MAPK8: variants seen among roughly 807,000 people sequenced by gnomAD.
MAPK8 encodes mitogen-activated protein kinase 8.
A neutral mutation model predicts 52.9 loss-of-function variants in MAPK8; 13 were observed. The ratio of observed to expected loss-of-function variants is 0.25; its 90% CI spans 0.16 to 0.39. The LOEUF is 0.39. Ranked by LOEUF, MAPK8 falls within the 10% of genes least tolerant of loss-of-function variation. MAPK8 has a pLI of 1.00. For synonymous variants in MAPK8, 191 were observed against 169.8 expected (o/e 1.12, Z -0.97); for missense variants, 300 against 519.2 (o/e 0.58, Z 4.10).
intron 1 of MAPK8, among the ~76,000 whole-genome samples, chr10:48,308,545 G>A (rs1841629888): frequency 6.6e-6 from 1 of 152,104 alleles, no homozygotes; most frequent in African/African-American, 2.4e-5. Flanking sequence ...AAATAAAGTA[G>A]GTTGTGGAGT....
chr10:48,353,083 T>C (rs533365937), intron 1 of MAPK8, among the ~76,000 whole-genome samples: 6 of 152,302 alleles, frequency 3.9e-5, no homozygotes, highest in African/African-American at 1.4e-4. Flanking sequence ...TAAATGTTGA[T>C]GAAAGAAATC....
chr10:48,385,488 C>T (rs754006006), intron 1 of MAPK8, among the ~76,000 whole-genome samples: 31 of 152,154 alleles, frequency 2.0e-4, no homozygotes, highest in Non-Finnish European at 3.8e-4. Flanking sequence ...AATCGTAAAT[C>T]CCTTTTGTAG....
At chr10:48,369,612 T>A (rs926046516) in intron 1 of MAPK8, among the ~76,000 whole-genome samples, 4 of 151,910 alleles carry the variant, frequency 2.6e-5, no homozygotes, top group Non-Finnish European at 5.9e-5. Flanking sequence ...TGAGGGTAGA[T>A]GAAATTGCCA....
chr10:48,373,571 C>CAAAAAAAAAAAAAA lies in MAPK8; in HGVS notation c.-49-28027_-49-28014dup, dbSNP rs539162576. ...GAAGATTTACCAAGTAAATTGAAAG[C>CAAAAAAAAAAAAAA]AAAAAAAAAAAAAAAAAAAAAAAAA... is the stretch of plus-strand genomic sequence containing the variant. On this transcript the variant is annotated intron_variant, in intron 1 of 11. Coordinates refer to ENST00000374189, the MANE Select transcript of MAPK8 (RefSeq NM_001323329.2). 1.5e-3 allele frequency among the ~76,000 whole-genome samples: 25 copies of CAAAAAAAAAAAAAA among 16,844 alleles called. 8 individuals are homozygous for CAAAAAAAAAAAAAA. The highest frequency in any genetic ancestry group is 3.9e-3 in the African/African-American group (25 of 6,372). 11.1% of individuals were successfully genotyped at this position (16,844 alleles called of 152,430 possible).
chr10:48,426,911 A>C (rs1052471078), intron 9 of MAPK8, 169 bp from the exon 10 acceptor site: 2 of 544,998 alleles, frequency 3.7e-6, no homozygotes, highest in Non-Finnish European at 6.5e-6. Context: ...TCCTGCAATG[A>C]AGGAGTCTTC....
intron 1 of MAPK8, among the ~76,000 whole-genome samples, chr10:48,340,089 A>G (rs1845103673): frequency 6.6e-6 from 1 of 152,200 alleles, no homozygotes; most frequent in African/African-American, 2.4e-5. Flanking sequence ...TATCATAAAG[A>G]CAGCTGTGCT....
At chr10:48,425,817 C>A in intron 7 of MAPK8, 71 bp from the exon 8 acceptor site, 2 of 279,510 alleles carry the variant, frequency 7.2e-6, no homozygotes, top group Non-Finnish European at 1.1e-5. Flanking sequence ...TTTCTATTTT[C>A]TTGTAATATG....
At chr10:48,354,212 G>GA (rs1007675219) in intron 1 of MAPK8, among the ~76,000 whole-genome samples, 18 of 152,074 alleles carry the variant, frequency 1.2e-4, no homozygotes, top group African/African-American at 4.1e-4. Context: ...GTTCTTAAGA[G>GA]AAAAAAAGAA....
intron 1 of MAPK8, among the ~76,000 whole-genome samples, chr10:48,352,740 A>C (rs913130545): frequency 8.5e-5 from 13 of 152,200 alleles, no homozygotes; most frequent in African/African-American, 2.9e-4. Flanking sequence ...ACTCTTATTC[A>C]ACAAAATATT....
chr10:48,431,729 C>G (rs980729473), intron 11 of MAPK8, among the ~76,000 whole-genome samples: 4 of 152,222 alleles, frequency 2.6e-5, no homozygotes, highest in Middle Eastern at 3.4e-3. Context: ...AGAAAGTATT[C>G]TTTCTCTAAG....
intron 1 of MAPK8, among the ~76,000 whole-genome samples, chr10:48,390,462 A>G (rs556536351): frequency 1.3e-5 from 2 of 152,356 alleles, no homozygotes; most frequent in East Asian, 3.8e-4. Context: ...ACTTATTGCC[A>G]GGATTGCCTG....
chr10:48,377,681 A>G (rs1407802155), intron 1 of MAPK8, among the ~76,000 whole-genome samples: 1 of 152,152 alleles, frequency 6.6e-6, no homozygotes, highest in African/African-American at 2.4e-5. Flanking sequence ...AACAGGATAA[A>G]AGGAACCTGG....
At chr10:48,424,486 T>A (rs2043553892) in intron 7 of MAPK8, 2 of 1,440,966 alleles carry the variant, frequency 1.4e-6, no homozygotes, top group Admixed American at 4.3e-5. Flanking sequence ...AAAATCTTTA[T>A]GTTAATGTCA....
chr10:48,312,672 A>G (rs1842085549), intron 1 of MAPK8, among the ~76,000 whole-genome samples: 1 of 152,244 alleles, frequency 6.6e-6, no homozygotes, highest in Admixed American at 6.5e-5. Flanking sequence ...ACCAAAGGTA[A>G]GATAAAGAAA....
intron 1 of MAPK8, among the ~76,000 whole-genome samples, chr10:48,354,191 A>G (rs1459057637): frequency 6.6e-6 from 1 of 152,230 alleles, no homozygotes; most frequent in Non-Finnish European, 1.5e-5. Flanking sequence ...TAGCTAAAGC[A>G]TCAAGTGAAA....
rs906615240 is a variant in MAPK8 at position 48,320,824 on chromosome 10, A to G, written c.-50+14003A>G. Among the ~76,000 whole-genome samples the G allele has an allele frequency of 1.7e-4, 26 of 152,250 alleles. 2 individuals carry two copies. Among genetic ancestry groups the G allele is most frequent in the Admixed American group, 1.7e-3 (26 of 15,298 alleles). On this transcript the variant is annotated intron_variant, in intron 1 of 11. Coordinates refer to ENST00000374189, the MANE Select transcript of MAPK8 (RefSeq NM_001323329.2). ...AACTGTTTTTCAAAGTGGCTGCACCATTTTACATTTCCACCAGCAAGGTGT... is the reference window on the plus strand; with the variant it reads ...AACTGTTTTTCAAAGTGGCTGCACCGTTTTACATTTCCACCAGCAAGGTGT...
intron 1 of MAPK8, among the ~76,000 whole-genome samples, chr10:48,342,248 C>T (rs1845363675): frequency 6.6e-6 from 1 of 152,090 alleles, no homozygotes; most frequent in Non-Finnish European, 1.5e-5. Context: ...GGACTACAGG[C>T]ACACACCACC....
At chr10:48,380,242 A>T (rs1416231464) in intron 1 of MAPK8, among the ~76,000 whole-genome samples, 1 of 152,022 alleles carries the variant, frequency 6.6e-6, no homozygotes, top group East Asian at 1.9e-4. Flanking sequence ...ACTCCGTCTC[A>T]AAAAAAAGAC....
chr10:48,420,971 T>C (rs1360516837), intron 6 of MAPK8, among the ~76,000 whole-genome samples: 1 of 152,248 alleles, frequency 6.6e-6, no homozygotes. Context: ...TGCATATACC[T>C]ACTTATATTT....
Sources: gnomAD v4.1 joint callset for allele counts (sites outside exome capture counted in the v4.1 genomes callset) on GRCh38, gnomAD v4.1.1 for gene constraint, MANE v1.5 for transcripts, NCBI Gene and HGNC (gene_info 2026-07-23, HGNC 2026-07-21) for gene names.